MRE11: variants seen among roughly 807,000 people sequenced by gnomAD.
The protein encoded by MRE11 is MRE11 double strand break repair nuclease, also known as double-strand break repair protein MRE11.
In MRE11, 62 loss-of-function variants were observed where a neutral mutation model predicts 91.7. The observed-to-expected ratio is 0.68, with a 90% CI of 0.55 to 0.84. The LOEUF (loss-of-function observed/expected upper bound fraction) is 0.84, where lower values mean the gene tolerates loss of function less well. Ranked by LOEUF, MRE11 falls within the 40% of genes least tolerant of loss-of-function variation. The probability of loss-of-function intolerance (pLI) is 0.00; values close to 1 mark genes in which losing one functional copy is unlikely to be tolerated. For missense variants in MRE11, 796 were observed against 852.9 expected (o/e 0.93, Z 0.83); for synonymous variants, 273 against 271.4 (o/e 1.01, Z -0.06).
chr11:94,455,014 A>C (rs924584934), intron 14 of MRE11, among the ~76,000 whole-genome samples: 2 of 152,230 alleles, frequency 1.3e-5, no homozygotes, highest in African/African-American at 4.8e-5. Flanking sequence ...TCCAAAAAAC[A>C]ACCTGTAAAA....
At chr11:94,432,813 A>G (rs1945500842) in intron 18 of MRE11, among the ~76,000 whole-genome samples, 1 of 152,232 alleles carries the variant, frequency 6.6e-6, no homozygotes. Context: ...CTCAAAAAAC[A>G]AAACAAAACA....
At chr11:94,446,697 A>G (rs1945940894) in intron 15 of MRE11, among the ~76,000 whole-genome samples, 1 of 152,202 alleles carries the variant, frequency 6.6e-6, no homozygotes. Flanking sequence ...AGTAAATACA[A>G]TGTTGACTAT....
chr11:94,432,201 C>G (rs761516986), intron 18 of MRE11, among the ~76,000 whole-genome samples: 8 of 152,142 alleles, frequency 5.3e-5, no homozygotes, highest in Non-Finnish European at 1.0e-4. Flanking sequence ...TCAAGTAAAC[C>G]TTCGTGAGCT....
chr11:94,505,681 C>G, the MRE11 span, among the ~76,000 whole-genome samples: 1 of 150,892 alleles, frequency 6.6e-6, no homozygotes, highest in South Asian at 2.1e-4. Context: ...CCTAAGTGAA[C>G]AGTGTTGATA....
At chr11:94,502,912 T>A in the MRE11 span, among the ~76,000 whole-genome samples, 174 of 152,266 alleles carry the variant, frequency 1.1e-3, no homozygotes, top group African/African-American at 4.0e-3. Context: ...TGGCCTCAAG[T>A]AATCTGCTGG....
chr11:94,471,222 T>A (rs1284833918), intron 8 of MRE11, among the ~76,000 whole-genome samples: 1 of 152,066 alleles, frequency 6.6e-6, no homozygotes, highest in Non-Finnish European at 1.5e-5. Context: ...GCACTTATAA[T>A]CAGAAAATTT....
At chr11:94,420,668 A>G (rs1044818469) in intron 19 of MRE11, among the ~76,000 whole-genome samples, 10 of 152,270 alleles carry the variant, frequency 6.6e-5, no homozygotes, top group Admixed American at 2.6e-4. Context: ...CTTATGCAAA[A>G]AACAACCTAG....
intron 7 of MRE11, chr11:94,475,606 A>G (rs536630042): frequency 5.7e-4 from 262 of 455,842 alleles, no homozygotes; most frequent in African/African-American, 4.7e-3. Context: ...CTTCTTTTCA[A>G]TCAATCCTAT....
chr11:94,467,928 G>T (rs760200349), intron 9 of MRE11, 35 bp from the exon 10 acceptor site: 1 of 1,558,176 alleles, frequency 6.4e-7, no homozygotes, highest in Non-Finnish European at 8.8e-7. Flanking sequence ...AAACAACGTA[G>T]TAAACTGAGT....
chr11:94,457,055 G>A (rs1408604291), intron 13 of MRE11, among the ~76,000 whole-genome samples: 2 of 152,188 alleles, frequency 1.3e-5, no homozygotes, highest in African/African-American at 2.4e-5. Context: ...ATCAATTGAT[G>A]ATATGGGAGA....
intron 19 of MRE11, among the ~76,000 whole-genome samples, chr11:94,425,079 T>A (rs564508185): frequency 1.3e-5 from 2 of 152,076 alleles, no homozygotes; most frequent in South Asian, 4.2e-4. Flanking sequence ...AAAGAAAAGA[T>A]CTTAAAGGCA....
intron 4 of MRE11, among the ~76,000 whole-genome samples, chr11:94,483,604 C>A (rs1305913571): frequency 6.6e-5 from 10 of 152,190 alleles, no homozygotes; most frequent in African/African-American, 2.4e-4. Context: ...GTGAAGCCGC[C>A]CCAGCCAGGT....
chr11:94,432,037 G>A (rs747672211), intron 18 of MRE11, among the ~76,000 whole-genome samples: 7 of 151,758 alleles, frequency 4.6e-5, no homozygotes, highest in Non-Finnish European at 7.4e-5. Context: ...AACCAAACAA[G>A]GACTCAGAAA....
intron 11 of MRE11, among the ~76,000 whole-genome samples, chr11:94,463,308 TAGG>T (rs1946471272): frequency 6.6e-6 from 1 of 152,106 alleles, no homozygotes; most frequent in Non-Finnish European, 1.5e-5. Context: ...TGTGGAGAAA[TAGG>T]AGCACTTTTA....
the MRE11 span, chr11:94,499,190 A>C: frequency 6.5e-6 from 1 of 153,066 alleles, no homozygotes; most frequent in African/African-American, 2.4e-5. Flanking sequence ...GGATAGTCCT[A>C]CCTCACCCTG....
chr11:94,438,488 C>T (rs1945685146), intron 16 of MRE11, among the ~76,000 whole-genome samples: 1 of 152,196 alleles, frequency 6.6e-6, no homozygotes. Flanking sequence ...TCCTACTCTA[C>T]TCAAAAGGCT....
chr11:94,487,423 A>G (rs1262083535), intron 3 of MRE11, among the ~76,000 whole-genome samples: 1 of 152,226 alleles, frequency 6.6e-6, no homozygotes, highest in African/African-American at 2.4e-5. Context: ...CTTATAGCCA[A>G]TTTGAGGAAG....
chr11:94,502,587 C>T, the MRE11 span, among the ~76,000 whole-genome samples: 1 of 152,154 alleles, frequency 6.6e-6, no homozygotes, highest in Non-Finnish European at 1.5e-5. Flanking sequence ...TTACTTGTAT[C>T]TACTTTTAAA....
rs1156659146 is a variant in MRE11 at position 94,454,274 on chromosome 11, A to C, written c.1563+2002T>G. 2.0e-5 allele frequency among the ~76,000 whole-genome samples: 3 copies of C among 151,180 alleles called. No homozygotes were observed. In the East Asian group the frequency reaches 5.8e-4, roughly 29 times the overall value. ...TTTTTTGTAGAGATGGGGTTTTGCC[A>C]TGTTGCCCAGGCTGGTCTCAAACTC... is the stretch of plus-strand genomic sequence containing the variant. On this transcript the variant is annotated intron_variant, in intron 14 of 19. Transcript: ENST00000323929.
Sources: allele counts gnomAD v4.1 joint callset (sites outside exome capture counted in the v4.1 genomes callset), GRCh38; gene constraint gnomAD v4.1.1; transcripts MANE v1.5; gene names NCBI Gene and HGNC (gene_info 2026-07-23, HGNC 2026-07-21).